Variants in MAGI1 observed in about 807,000 individuals in gnomAD.
MAGI1 encodes membrane-associated guanylate kinase, WW and PDZ domain-containing protein 1.
In MAGI1, 58 loss-of-function variants were observed where a neutral mutation model predicts 139.9. The ratio of observed to expected loss-of-function variants is 0.41; its 90% confidence interval spans 0.34 to 0.52. MAGI1 has a LOEUF of 0.52. Ranked by LOEUF, MAGI1 falls within the 20% of genes least tolerant of loss-of-function variation. The pLI is 0.12. For missense variants in MAGI1, 1,874 were observed against 1,901.6 expected, an observed-to-expected ratio of 0.99 and a Z score of 0.27; for synonymous variants, 812 against 737.9, an observed-to-expected ratio of 1.10 and a Z score of -1.63.
chr3:65,671,857 A>C lies in MAGI1; in HGVS notation c.314-49769T>G, dbSNP rs898670272. On this transcript the variant is annotated intron_variant, in intron 1 of 22. Transcript: ENST00000402939. ...TGCACAGAGAGGGTGTAATGACCAA[A>C]AAAAGTTCCTACAACTCCAATCCTC... Among the ~76,000 whole-genome samples the C allele has an allele frequency of 6.6e-5, 10 of 152,272 alleles. 1 individual carries two copies. The highest frequency in any genetic ancestry group is 6.5e-4 in the Admixed American group (10 of 15,300).
chr3:65,575,983 T>G (rs1347218244), intron 2 of MAGI1, among the ~76,000 whole-genome samples: 1 of 152,164 alleles, frequency 6.6e-6, no homozygotes, highest in Admixed American at 6.5e-5. Context: ...TTCTTAATTG[T>G]GGTGCTGGTT....
chr3:65,572,353 C>G (rs1022138704), intron 2 of MAGI1, among the ~76,000 whole-genome samples: 2 of 152,068 alleles, frequency 1.3e-5, no homozygotes, highest in African/African-American at 4.8e-5. Context: ...TAAATGTAAA[C>G]ACCAGGAACT....
In MAGI1 at chr3:66,038,319, A is replaced by AC. The variant is rs1456981297; in HGVS notation, c.-12dup. The AC allele has an allele frequency of 1.3e-6, 2 of 1,531,204 alleles. No individual in the cohort carries two copies. The highest frequency in any genetic ancestry group is 1.8e-6 in the Non-Finnish European group (2 of 1,140,120). 94.9% of individuals were successfully genotyped at this position (1,531,204 alleles called of 1,614,324 possible). Reference sequence around the variant, plus strand: ...GATCACTTTGGACATGATGAGTTACACCCCTCCTCCAAAAAAATAAAACGA... The same window carrying AC: ...GATCACTTTGGACATGATGAGTTACACCCCCTCCTCCAAAAAAATAAAACGA... On this transcript the variant is annotated 5_prime_UTR_variant, in exon 1 of 23. Coordinates refer to ENST00000402939, the MANE Select transcript of MAGI1 (RefSeq NM_001033057.2).
chr3:65,461,721 C>T (rs1949813227), intron 5 of MAGI1, among the ~76,000 whole-genome samples: 1 of 152,068 alleles, frequency 6.6e-6, no homozygotes. Flanking sequence ...ATCTCCTGAC[C>T]TCATGATCCA....
At chr3:65,411,810 C>T (rs181016384) in intron 12 of MAGI1, among the ~76,000 whole-genome samples, 170 of 152,036 alleles carry the variant, frequency 1.1e-3, no homozygotes, top group African/African-American at 3.8e-3. Context: ...TTATAGGACA[C>T]CAAACCCCTG....
chr3:65,782,077 G>C (rs2038980719), intron 1 of MAGI1, among the ~76,000 whole-genome samples: 1 of 152,156 alleles, frequency 6.6e-6, no homozygotes, highest in East Asian at 1.9e-4. Context: ...GGAAACACTT[G>C]TCAATCACAG....
At chr3:65,672,720 T>G (rs954116159) in intron 1 of MAGI1, among the ~76,000 whole-genome samples, 1 of 152,202 alleles carries the variant, frequency 6.6e-6, no homozygotes, top group Admixed American at 6.5e-5. Flanking sequence ...CAGATACCAA[T>G]AAATCCATTT....
At chr3:65,748,538 G>T (rs1365475884) in intron 1 of MAGI1, among the ~76,000 whole-genome samples, 1 of 152,204 alleles carries the variant, frequency 6.6e-6, no homozygotes, top group Non-Finnish European at 1.5e-5. Flanking sequence ...TGCAGCTGCC[G>T]CTTTGTATTG....
At chr3:65,367,075 C>T (rs1325582181) in intron 18 of MAGI1, among the ~76,000 whole-genome samples, 1 of 152,184 alleles carries the variant, frequency 6.6e-6, no homozygotes, top group Non-Finnish European at 1.5e-5. Context: ...GGTCCTTTAG[C>T]AAACTTCATA....
intron 10 of MAGI1, among the ~76,000 whole-genome samples, chr3:65,431,612 C>T (rs896669265): frequency 4.0e-5 from 6 of 151,832 alleles, no homozygotes; most frequent in Admixed American, 2.6e-4. Context: ...AAACCCCCCC[C>T]ACAACACACA....
chr3:66,008,358 T>C (rs1339562456), intron 1 of MAGI1, among the ~76,000 whole-genome samples: 3 of 152,184 alleles, frequency 2.0e-5, no homozygotes, highest in Non-Finnish European at 4.4e-5. Context: ...TGCTGGGCCC[T>C]ACACCATCTG....
At chr3:65,536,110 T>C (rs1216035693) in intron 2 of MAGI1, among the ~76,000 whole-genome samples, 2 of 152,192 alleles carry the variant, frequency 1.3e-5, no homozygotes, top group African/African-American at 4.8e-5. Flanking sequence ...CACTTATACG[T>C]TTTCCCCTGA....
chr3:65,446,049 G>A (rs1461946338), intron 7 of MAGI1, among the ~76,000 whole-genome samples: 1 of 152,030 alleles, frequency 6.6e-6, no homozygotes, highest in African/African-American at 2.4e-5. Flanking sequence ...AAAATCAAAG[G>A]TTTTATCTCT....
intron 14 of MAGI1, 56 bp from the exon 15 acceptor site, chr3:65,383,679 C>T: frequency 3.9e-6 from 4 of 1,034,232 alleles, no homozygotes; most frequent in South Asian, 2.5e-5. Context: ...AGCAATGATA[C>T]CCCCAAGATG....
chr3:65,576,409 C>A (rs980361811), intron 2 of MAGI1, among the ~76,000 whole-genome samples: 7 of 152,080 alleles, frequency 4.6e-5, no homozygotes, highest in Admixed American at 2.0e-4. Context: ...CTAATCAATC[C>A]CCGCACTCTT....
chr3:65,900,159 C>A (rs1358463787), intron 1 of MAGI1, among the ~76,000 whole-genome samples: 3 of 152,136 alleles, frequency 2.0e-5, no homozygotes, highest in Admixed American at 1.3e-4. Context: ...CAGTATACAC[C>A]CATCGTCTTG....
intron 1 of MAGI1, among the ~76,000 whole-genome samples, chr3:65,905,490 TAAA>T (rs34695349): frequency 9.1e-5 from 13 of 142,198 alleles, no homozygotes; most frequent in African/African-American, 3.3e-4. Context: ...GACCTTGCCT[TAAA>T]AAAAAAAAAA....
intron 1 of MAGI1, among the ~76,000 whole-genome samples, chr3:65,883,911 C>A (rs1484094647): frequency 2.6e-5 from 4 of 152,132 alleles, no homozygotes; most frequent in Non-Finnish European, 5.9e-5. Context: ...AAGAAATAAA[C>A]TTTTCAGTCT....
chr3:65,411,297 T>C (rs1208905591), intron 12 of MAGI1, among the ~76,000 whole-genome samples: 3 of 152,184 alleles, frequency 2.0e-5, no homozygotes, highest in Admixed American at 1.3e-4. Flanking sequence ...TACCGACAAC[T>C]TGAGGCTTCT....
Sources: allele counts gnomAD v4.1 joint callset (sites outside exome capture counted in the v4.1 genomes callset), GRCh38; gene constraint gnomAD v4.1.1; transcripts MANE v1.5; gene names NCBI Gene and HGNC (gene_info 2026-07-23, HGNC 2026-07-21).